The following DNAH1 variants were observed in gnomAD, a reference collection of about 807,000 sequenced individuals.
DNAH1 encodes axonemal beta dynein heavy chain 1.
Under a neutral mutation model 484.3 loss-of-function variants are expected in DNAH1, and 327 were observed. That is an observed-to-expected ratio of 0.68 (90% CI 0.62 to 0.74). The LOEUF is 0.74. Ranked by LOEUF, DNAH1 falls within the 30% of genes least tolerant of loss-of-function variation. The pLI is 0.00. For missense variants in DNAH1, 5,052 were observed against 5,546.8 expected (o/e 0.91, Z 2.83); for synonymous variants, 2,192 against 2,191.9 (o/e 1.00, Z 0.00).
intron 59 of DNAH1, 70 bp downstream of exon 59, chr3:52,389,007 C>A (rs974262093): frequency 2.0e-6 from 3 of 1,482,570 alleles, no homozygotes; most frequent in South Asian, 1.3e-5. Context: ...CTTGAGGCCT[C>A]GCCTCCATGA....
At position 52,381,957 on chromosome 3, in the gene DNAH1, C is replaced by T. The variant is rs973486156; in HGVS notation, c.7805+121C>T. ...CAACCCTGAAGTAGGCCCGTGCAGC[C>T]TACAGGCTTCTGGAAAGACTAGTAG... On this transcript the variant is annotated intron_variant, in intron 49 of 77. Coordinates refer to ENST00000420323, the MANE Select transcript of DNAH1 (RefSeq NM_015512.5). This position sits in a 1 kb window ranked among gnomAD's most constrained non-coding sequence, Gnocchi z 4.1. 2.8e-6 allele frequency: 3 copies of T among 1,089,462 alleles called. No homozygotes were observed. Among genetic ancestry groups the T allele is most frequent in the Non-Finnish European group, 3.8e-6 (3 of 779,254 alleles). The allele number at this position is 1,089,462 out of a possible 1,614,324, so 67.5% of individuals were successfully genotyped here. A position where few individuals can be genotyped will look rare whatever the true frequency, so the allele number is the denominator to read the frequency against.
chr3:52,342,043 T>G (rs934914741), intron 8 of DNAH1, among the ~76,000 whole-genome samples: 2 of 152,246 alleles, frequency 1.3e-5, no homozygotes, highest in African/African-American at 4.8e-5. Context: ...CAGAAGGGCT[T>G]CTTTATATTA....
In DNAH1 at chr3:52,326,842, C is replaced by T; in HGVS notation, c.689C>T (p.Thr230Ile). The change falls in exon 5 of 78, where the codon ACC (threonine) becomes ATC (isoleucine). Residue 230 changes from threonine to isoleucine, a missense_variant. By Grantham distance (89) the Thr-to-Ile change is moderately conservative. This residue lies in a region of DNAH1 where 1,263 missense variants were observed against 1,218.8 expected (regional missense o/e 1.04). Transcript: ENST00000420323. ...CACCTGGACCACCAGCACCCCCAAA[C>T]CATCGAACAGGGCCATGACCCAATC... is the stretch of plus-strand genomic sequence containing the variant. ...PRHLDHQHPQ[T>I]IEQGHDPIFP... 6.2e-7 allele frequency: 1 copy of T among 1,613,634 alleles called. No homozygotes were observed. Among genetic ancestry groups the T allele is most frequent in the Non-Finnish European group, 8.5e-7 (1 of 1,179,750 alleles).
At chr3:52,371,742 T>C (rs1703346418) in intron 41 of DNAH1, among the ~76,000 whole-genome samples, 1 of 152,228 alleles carries the variant, frequency 6.6e-6, no homozygotes, top group African/African-American at 2.4e-5. Context: ...CATTCTTGGC[T>C]GTTTGTGCTG....
At chr3:52,317,204 A>G (rs1700978320) in intron 1 of DNAH1, among the ~76,000 whole-genome samples, 1 of 152,202 alleles carries the variant, frequency 6.6e-6, no homozygotes, top group South Asian at 2.1e-4. Context: ...CAACCACAGT[A>G]GCATTATCAC....
chr3:52,338,502 C>A (rs1170978694), intron 8 of DNAH1, among the ~76,000 whole-genome samples: 2 of 152,130 alleles, frequency 1.3e-5, no homozygotes, highest in Non-Finnish European at 2.9e-5. Context: ...CTCTATTAAA[C>A]GTATCAATAT....
chr3:52,365,929 C>T lies in DNAH1; in HGVS notation c.5519-528C>T, dbSNP rs1703055362. ...CTTTGCCGTCCCTGGCTAATTGGGC[C>T]CTATTTGGCAGGAACCCCCGGACCT... On this transcript the variant is annotated intron_variant, in intron 34 of 77. Coordinates refer to ENST00000420323, the MANE Select transcript of DNAH1 (RefSeq NM_015512.5). Among the ~76,000 whole-genome samples the T allele has an allele frequency of 2.0e-5, 3 of 152,240 alleles. No homozygotes were observed. The South Asian group carries it at 6.2e-4, about 32-fold the overall frequency.
intron 1 of DNAH1, among the ~76,000 whole-genome samples, chr3:52,317,503 C>T (rs1221510855): frequency 6.6e-6 from 1 of 152,154 alleles, no homozygotes; most frequent in Non-Finnish European, 1.5e-5. Context: ...ACTTCCAGTT[C>T]GTAAATTTCT....
rs762914044 is a variant in DNAH1, at chr3:52,326,130, C to T, written c.407-10C>T. ...AGCCCTGAAGCCCCTGCCCCTGCTT[C>T]TACCTGCAGTCGGAAGCTTTGAGGT... On this transcript the variant is annotated splice_polypyrimidine_tract_variant and intron_variant, in intron 3 of 77. Transcript: ENST00000420323. The T allele has an allele frequency of 2.5e-6, 4 of 1,577,544 alleles. No homozygotes were observed. Among genetic ancestry groups the T allele is most frequent in the Non-Finnish European group, 3.5e-6 (4 of 1,158,004 alleles).
intron 44 of DNAH1, chr3:52,374,435 C>A: frequency 7.5e-7 from 1 of 1,332,770 alleles, no homozygotes; most frequent in Non-Finnish European, 1.1e-6. Context: ...TTCTCAAATG[C>A]TGGCCAAAGA....
chr3:52,394,810 C>A, intron 67 of DNAH1, 105 bp from the exon 68 acceptor site: 1 of 1,509,536 alleles, frequency 6.6e-7, no homozygotes. Context: ...TGCCATACCC[C>A]TGGGATAGCC....
chr3:52,392,368 A>C, intron 63 of DNAH1, 96 bp from the exon 64 acceptor site: 1 of 1,128,132 alleles, frequency 8.9e-7, no homozygotes. Context: ...GGGCTCTTGG[A>C]GCCCCAGAAG....
Position 52,370,642 on chromosome 3 carries a change from G to T in DNAH1, c.6417+7G>T. 6.2e-7 allele frequency: 1 copy of T among 1,607,638 alleles called. No individual in the cohort carries two copies. Among genetic ancestry groups the T allele is most frequent in the Non-Finnish European group, 8.5e-7 (1 of 1,177,096 alleles). ...CAAGATGGAGAACGAACAGGTGAGAGCCGGCGGCCCCCAGGGACCAGGAGC... is the reference window on the plus strand; with the variant it reads ...CAAGATGGAGAACGAACAGGTGAGATCCGGCGGCCCCCAGGGACCAGGAGC... On this transcript the variant is annotated splice_region_variant and intron_variant, in intron 40 of 77. Coordinates refer to ENST00000420323, the MANE Select transcript of DNAH1 (RefSeq NM_015512.5).
intron 1 of DNAH1, among the ~76,000 whole-genome samples, chr3:52,319,620 G>T (rs1226120424): frequency 1.3e-5 from 2 of 152,228 alleles, no homozygotes; most frequent in Non-Finnish European, 2.9e-5. Context: ...CAGAAGCCTT[G>T]CTGGGAGCCA....
intron 2 of DNAH1, 24 bp from the exon 3 acceptor site, chr3:52,323,784 C>T: frequency 1.3e-6 from 2 of 1,576,912 alleles, no homozygotes; most frequent in South Asian, 1.2e-5. Context: ...GACACATACT[C>T]AGGGCTCCAT....
chr3:52,396,221 C>G, intron 70 of DNAH1, 147 bp from the exon 71 acceptor site: 3 of 873,230 alleles, frequency 3.4e-6, no homozygotes, highest in Non-Finnish European at 5.1e-6. Context: ...ACGTGAGCCA[C>G]CGCGCCCAGC....
rs762914044 is a variant in DNAH1 at position 52,326,130 on chromosome 3, C to G, written c.407-10C>G. On this transcript the variant is annotated splice_polypyrimidine_tract_variant and intron_variant, in intron 3 of 77. Coordinates refer to ENST00000420323, the MANE Select transcript of DNAH1 (RefSeq NM_015512.5). ...AGCCCTGAAGCCCCTGCCCCTGCTT[C>G]TACCTGCAGTCGGAAGCTTTGAGGT... 5.2e-5 allele frequency: 82 copies of G among 1,577,544 alleles called. No individual in the cohort carries two copies. Among genetic ancestry groups the G allele is most frequent in the Non-Finnish European group, 6.5e-5 (75 of 1,158,004 alleles).
At chr3:52,384,450 C>T (rs889302858) in intron 52 of DNAH1, among the ~76,000 whole-genome samples, 1 of 152,178 alleles carries the variant, frequency 6.6e-6, no homozygotes, top group East Asian at 1.9e-4. Flanking sequence ...GGGGAACCAC[C>T]TCAGGGCTCT....
At chr3:52,333,607 C>T (rs1701632678) in intron 8 of DNAH1, among the ~76,000 whole-genome samples, 1 of 152,038 alleles carries the variant, frequency 6.6e-6, no homozygotes, top group African/African-American at 2.4e-5. Context: ...AAGCTGGTCT[C>T]GAGCTCCCGA....
Sources: allele counts gnomAD v4.1 joint callset (sites outside exome capture counted in the v4.1 genomes callset), GRCh38; gene constraint gnomAD v4.1.1; regional missense constraint gnomAD v4.1.1; non-coding constraint Gnocchi (gnomAD v3.1); transcripts MANE v1.5; gene names NCBI Gene and HGNC (gene_info 2026-07-23, HGNC 2026-07-21).